The following BRD10 variants were observed in gnomAD, a reference collection of about 807,000 sequenced individuals.
The protein encoded by BRD10 is bromodomain containing 10.
the BRD10 span, among the ~76,000 whole-genome samples, chr9:5,879,595 G>A: frequency 2.0e-5 from 3 of 152,142 alleles, no homozygotes; most frequent in Admixed American, 2.0e-4. Context: ...ACACTGGTCT[G>A]GTGGCCACCG....
chr9:5,979,504 T>C, the BRD10 span, among the ~76,000 whole-genome samples: 2 of 150,692 alleles, frequency 1.3e-5, no homozygotes, highest in Non-Finnish European at 3.0e-5. Context: ...TGAGAACCTG[T>C]CTCAAAAAAA....
the BRD10 span, among the ~76,000 whole-genome samples, chr9:5,998,251 T>C: frequency 1.3e-5 from 2 of 151,276 alleles, no homozygotes; most frequent in African/African-American, 4.9e-5. Context: ...AGGGAGATTT[T>C]CTCTTGTACT....
chr9:5,957,517 G>T, the BRD10 span, among the ~76,000 whole-genome samples: 1 of 152,126 alleles, frequency 6.6e-6, no homozygotes, highest in Admixed American at 6.5e-5. Context: ...AGAAACTGAT[G>T]GAGGAGCTGT....
At chr9:5,996,479 T>C in the BRD10 span, among the ~76,000 whole-genome samples, 3 of 152,094 alleles carry the variant, frequency 2.0e-5, no homozygotes, top group African/African-American at 7.2e-5. Context: ...CCACTATGCC[T>C]GGCTAATTTT....
chr9:5,913,780 G>A, the BRD10 span: 1 of 198,938 alleles, frequency 5.0e-6, no homozygotes, highest in African/African-American at 2.4e-5. Context: ...TCCTTAAAAA[G>A]GCTTGAAGGA....
At chr9:5,892,956 G>T in the BRD10 span, among the ~76,000 whole-genome samples, 1 of 152,188 alleles carries the variant, frequency 6.6e-6, no homozygotes, top group Non-Finnish European at 1.5e-5. Flanking sequence ...AGCCAGTAAG[G>T]ATGACGGGCA....
chr9:5,879,542 A>C, the BRD10 span, among the ~76,000 whole-genome samples: 1 of 152,094 alleles, frequency 6.6e-6, no homozygotes, highest in African/African-American at 2.4e-5. Flanking sequence ...CCCAATCCCC[A>C]ATGCCAGCGG....
the BRD10 span, among the ~76,000 whole-genome samples, chr9:5,995,989 G>C: frequency 6.6e-6 from 1 of 152,102 alleles, no homozygotes; most frequent in African/African-American, 2.4e-5. Context: ...CTGGGAAGGA[G>C]ATTTGGGCTA....
the BRD10 span, among the ~76,000 whole-genome samples, chr9:5,962,316 GA>G: frequency 1.6e-5 from 2 of 126,330 alleles, no homozygotes; most frequent in African/African-American, 6.1e-5. Context: ...AGAAGAAATG[GA>G]TAAATTCCTC....
At chr9:5,884,330 T>C in the BRD10 span, among the ~76,000 whole-genome samples, 1 of 152,182 alleles carries the variant, frequency 6.6e-6, no homozygotes, top group Non-Finnish European at 1.5e-5. Flanking sequence ...GCCTACAAGA[T>C]CAGTCCAAAG....
chr9:5,957,745 G>A, the BRD10 span, among the ~76,000 whole-genome samples: 1 of 151,906 alleles, frequency 6.6e-6, no homozygotes, highest in Non-Finnish European at 1.5e-5. Context: ...AACAATTTCA[G>A]TATAAATTTT....
chr9:5,991,178 G>GTA, the BRD10 span, among the ~76,000 whole-genome samples: 1 of 37,326 alleles, frequency 2.7e-5, no homozygotes, highest in East Asian at 3.6e-4. Flanking sequence ...GTGTGTGTGT[G>GTA]TGTATATATA....
At chr9:5,914,630 A>T in the BRD10 span, among the ~76,000 whole-genome samples, 1 of 151,640 alleles carries the variant, frequency 6.6e-6, no homozygotes, top group African/African-American at 2.4e-5. Flanking sequence ...TCACCGCATT[A>T]GCCAGGATGG....
the BRD10 span, among the ~76,000 whole-genome samples, chr9:5,979,566 C>CA: frequency 6.6e-6 from 1 of 150,592 alleles, no homozygotes; most frequent in Admixed American, 6.6e-5. Context: ...AATGGTTTTG[C>CA]AAAAAAGGAA....
the BRD10 span, among the ~76,000 whole-genome samples, chr9:5,983,558 T>C: frequency 6.6e-6 from 1 of 151,864 alleles, no homozygotes; most frequent in Non-Finnish European, 1.5e-5. Context: ...GAAATGAAGA[T>C]ATATAAAAAA....
chr9:5,908,777 C>T, the BRD10 span: 1 of 1,411,772 alleles, frequency 7.1e-7, no homozygotes, highest in Non-Finnish European at 1.0e-6. Flanking sequence ...TTAATACAGA[C>T]ATCTAATGTT....
chr9:5,940,734 A>G, the BRD10 span, among the ~76,000 whole-genome samples: 1 of 152,152 alleles, frequency 6.6e-6, no homozygotes, highest in African/African-American at 2.4e-5. Flanking sequence ...AATTCCAAAT[A>G]TCATCACAGG....
chr9:5,917,994 T>C, the BRD10 span, among the ~76,000 whole-genome samples: 1 of 152,244 alleles, frequency 6.6e-6, no homozygotes, highest in South Asian at 2.1e-4. Context: ...TGGGTCATTT[T>C]GTTTTAAAAG....
At chr9:5,965,366 A>G in the BRD10 span, among the ~76,000 whole-genome samples, 10 of 152,160 alleles carry the variant, frequency 6.6e-5, no homozygotes, top group African/African-American at 2.2e-4. Flanking sequence ...TCTTTTCTTC[A>G]AGACTTTCCA....
Sources: gnomAD v4.1 joint callset for allele counts (sites outside exome capture counted in the v4.1 genomes callset) on GRCh38, gnomAD v4.1.1 for gene constraint, MANE v1.5 for transcripts, NCBI Gene and HGNC (gene_info 2026-07-23, HGNC 2026-07-21) for gene names.